The following RBM19 variants were observed in gnomAD, a reference collection of about 807,000 sequenced individuals.
RBM19 encodes RNA binding motif protein 19.
In RBM19, 94 loss-of-function variants were observed where a neutral mutation model predicts 116.8. That is an observed-to-expected ratio of 0.80 (90% CI 0.68 to 0.95). The LOEUF is 0.95. Among genes scored for constraint, RBM19 ranks in the 40% least tolerant of loss-of-function variants. RBM19 has a pLI of 0.00. For missense variants in RBM19, 1,161 were observed against 1,220.7 expected, an observed-to-expected ratio of 0.95 and a Z score of 0.73; for synonymous variants, 475 against 494.1, an observed-to-expected ratio of 0.96 and a Z score of 0.51.
At chr12:113,923,623 C>T (rs1276583171) in intron 18 of RBM19, among the ~76,000 whole-genome samples, 3 of 152,234 alleles carry the variant, frequency 2.0e-5, no homozygotes. Context: ...TATCTCCTGA[C>T]TCTTCCTCAA....
intron 23 of RBM19, among the ~76,000 whole-genome samples, chr12:113,833,943 G>A (rs776977307): frequency 2.0e-5 from 3 of 151,874 alleles, no homozygotes; most frequent in East Asian, 1.9e-4. Flanking sequence ...ACGGGGTCTC[G>A]CTATGTGGCT....
At chr12:113,829,161 C>T (rs1875148298) in intron 23 of RBM19, among the ~76,000 whole-genome samples, 1 of 152,198 alleles carries the variant, frequency 6.6e-6, no homozygotes, top group South Asian at 2.1e-4. Context: ...CCAGGCCCAA[C>T]TAATTTTTGT....
intron 21 of RBM19, among the ~76,000 whole-genome samples, chr12:113,879,918 G>A (rs1668257450): frequency 6.6e-6 from 1 of 151,948 alleles, no homozygotes; most frequent in Non-Finnish European, 1.5e-5. Context: ...AGGGGCTGAG[G>A]CATTTCTTCC....
At chr12:113,935,399 G>T (rs1311075460) in intron 16 of RBM19, among the ~76,000 whole-genome samples, 2 of 152,190 alleles carry the variant, frequency 1.3e-5, no homozygotes, top group Non-Finnish European at 2.9e-5. Context: ...GAACAAGCCA[G>T]GATGACATGA....
chr12:113,890,563 C>CT (rs1176997282), intron 21 of RBM19, among the ~76,000 whole-genome samples: 3 of 152,362 alleles, frequency 2.0e-5, no homozygotes, highest in Admixed American at 6.5e-5. Context: ...CCCCACCCCA[C>CT]TGGCTTCCGA....
At chr12:113,878,671 A>ACACG (rs1491206356) in intron 21 of RBM19, among the ~76,000 whole-genome samples, 1 of 141,898 alleles carries the variant, frequency 7.0e-6, no homozygotes, top group African/African-American at 2.8e-5. Context: ...ACACACACAC[A>ACACG]CCCTCACTCA....
intron 18 of RBM19, among the ~76,000 whole-genome samples, chr12:113,922,043 G>A (rs543265213): frequency 6.6e-5 from 10 of 152,220 alleles, no homozygotes; most frequent in Admixed American, 5.2e-4. Flanking sequence ...GTCCCCACCC[G>A]CCTCCTTGCT....
At position 113,915,212 on chromosome 12, in the gene RBM19, G is replaced by A. The variant is rs529427857; in HGVS notation, c.2442-127C>T. ...TTCAAGGAGTGTGCGTGGGGTGCGG[G>A]ACCAACGTGAAAGGAGAGGAAGGCC... On this transcript the variant is annotated intron_variant, in intron 20 of 23. Transcript: ENST00000261741. 30 of 790,416 alleles carry A rather than the reference G, an allele frequency of 3.8e-5. No individual in the cohort carries two copies. The African/African-American group carries it at 4.6e-4, about 12-fold the overall frequency. The allele number at this position is 790,416 out of a possible 1,614,324, so 49.0% of individuals were successfully genotyped here.
chr12:113,919,118 C>T (rs540354923), intron 19 of RBM19, among the ~76,000 whole-genome samples: 1 of 152,294 alleles, frequency 6.6e-6, no homozygotes, highest in South Asian at 2.1e-4. Context: ...GTACACAGCC[C>T]CTGACCAGGA....
intron 12 of RBM19, 21 bp downstream of exon 12, chr12:113,946,333 G>A: frequency 6.2e-7 from 1 of 1,614,062 alleles, no homozygotes; most frequent in South Asian, 1.1e-5. Context: ...GGAGCTCAGT[G>A]GTTTCAGGGG....
chr12:113,947,611 A>C, intron 10 of RBM19, 147 bp from the exon 11 acceptor site: 1 of 838,578 alleles, frequency 1.2e-6, no homozygotes, highest in Admixed American at 3.1e-5. Context: ...AACAGCAACA[A>C]TACCTGGGCT....
rs1868454488 is a variant in RBM19, at chr12:113,920,673, C to T, written c.2323G>A (p.Gly775Arg). ...TTCCTGTATTCCACAAATCCAAACC[C>T]CATGGAAAGGAGCACTCCTGAGAGA... is the stretch of plus-strand genomic sequence containing the variant. ...KNKAGVLLSM[G>R]FGFVEYRKPE... Residue 775 changes from glycine to arginine, a missense_variant, in exon 19 of 24, where the codon GGG becomes AGG. By Grantham distance (125) the Gly-to-Arg change is moderately radical. Coordinates refer to ENST00000261741, the MANE Select transcript of RBM19 (RefSeq NM_016196.4). The T allele has an allele frequency of 6.2e-7, 1 of 1,614,070 alleles. No individual in the cohort carries two copies. Among genetic ancestry groups the T allele is most frequent in the Non-Finnish European group, 8.5e-7 (1 of 1,179,956 alleles).
At chr12:113,916,340 G>A (rs1308310747) in intron 20 of RBM19, among the ~76,000 whole-genome samples, 1 of 152,196 alleles carries the variant, frequency 6.6e-6, no homozygotes, top group Non-Finnish European at 1.5e-5. Flanking sequence ...CCAGGAGGCG[G>A]AGGTTGCAGT....
In RBM19 at chr12:113,935,518, G is replaced by A. The variant is rs534952430; in HGVS notation, c.2068+1489C>T. On this transcript the variant is annotated intron_variant, in intron 16 of 23. Coordinates refer to ENST00000261741, the MANE Select transcript of RBM19 (RefSeq NM_016196.4). ...ACGAGCAGGAGTCGGGCTTTCACAA[G>A]GTTTACACCAATCATCATTAACCCC... Among the ~76,000 whole-genome samples, 10 of 152,282 alleles carry A rather than the reference G, an allele frequency of 6.6e-5. No individual in the cohort carries two copies. In the South Asian group the frequency reaches 1.2e-3, roughly 19 times the overall value.
intron 21 of RBM19, among the ~76,000 whole-genome samples, chr12:113,860,644 G>A (rs547789871): frequency 1.3e-5 from 2 of 152,186 alleles, no homozygotes; most frequent in Non-Finnish European, 2.9e-5. Flanking sequence ...TCCTCTGTCC[G>A]TGCCTTGGCC....
chr12:113,958,816 T>G (rs1281337406), intron 5 of RBM19, among the ~76,000 whole-genome samples: 1 of 141,086 alleles, frequency 7.1e-6, no homozygotes, highest in Non-Finnish European at 1.5e-5. Flanking sequence ...TCCCTCATAA[T>G]TCTCCTGTCG....
At chr12:113,956,306 T>G (rs1275171507) in intron 6 of RBM19, among the ~76,000 whole-genome samples, 3 of 151,998 alleles carry the variant, frequency 2.0e-5, no homozygotes, top group Non-Finnish European at 4.4e-5. Context: ...TGGGGCCAGG[T>G]GCAGTGGCTC....
chr12:113,956,168 G>T (rs376003055), intron 6 of RBM19, among the ~76,000 whole-genome samples: 6 of 152,202 alleles, frequency 3.9e-5, no homozygotes, highest in African/African-American at 1.2e-4. Flanking sequence ...TACAATTTTG[G>T]GGGGGAAGAA....
intron 21 of RBM19, among the ~76,000 whole-genome samples, chr12:113,861,505 T>TGTGTGTGTGTGTGTGTGTGTGTGG (rs1878375622): frequency 6.7e-6 from 1 of 149,092 alleles, no homozygotes; most frequent in Non-Finnish European, 1.5e-5. Flanking sequence ...TGTGTGTGTG[T>TGTGTGTGTGTGTGTGTGTGTGTGG]GTGTGTGTGA....
Sources: gnomAD v4.1 joint callset for allele counts (sites outside exome capture counted in the v4.1 genomes callset) on GRCh38, gnomAD v4.1.1 for gene constraint, MANE v1.5 for transcripts, NCBI Gene and HGNC (gene_info 2026-07-23, HGNC 2026-07-21) for gene names.